FAM13C: variants seen among roughly 807,000 people sequenced by gnomAD.
The protein encoded by FAM13C is protein FAM13C.
FAM13C carries 37 observed loss-of-function variants against 73.2 expected under a neutral mutation model. The ratio of observed to expected loss-of-function variants is 0.51; its 90% CI spans 0.39 to 0.67. The LOEUF (loss-of-function observed/expected upper bound fraction) is 0.67, where lower values mean the gene tolerates loss of function less well. Among genes scored for constraint, FAM13C ranks in the 30% least tolerant of loss-of-function variants. The probability of loss-of-function intolerance (pLI) is 0.00; values close to 1 mark genes in which losing one functional copy is unlikely to be tolerated. For synonymous variants in FAM13C, 246 were observed against 260.9 expected (o/e 0.94, Z 0.55); for missense variants, 589 against 715.6 (o/e 0.82, Z 2.02).
intron 3 of FAM13C, among the ~76,000 whole-genome samples, chr10:59,344,364 C>T (rs1278441133): frequency 3.4e-5 from 5 of 148,376 alleles, no homozygotes; most frequent in South Asian, 2.2e-4. Context: ...CTGCAAGTTC[C>T]GCCCCCCAGG....
At chr10:59,351,035 C>CT (rs1461919903) in intron 3 of FAM13C, among the ~76,000 whole-genome samples, 1 of 152,090 alleles carries the variant, frequency 6.6e-6, no homozygotes, top group Non-Finnish European at 1.5e-5. Context: ...ATAATTCAAT[C>CT]TTTTTTAAAA....
chr10:59,268,484 G>A (rs1263402390), intron 8 of FAM13C, 69 bp downstream of exon 8: 1 of 1,583,348 alleles, frequency 6.3e-7, no homozygotes, highest in East Asian at 2.2e-5. Context: ...AGAAAGGAAG[G>A]ACAGAGGCTG....
chr10:59,291,446 G>A (rs778866687), intron 5 of FAM13C, among the ~76,000 whole-genome samples: 21 of 152,150 alleles, frequency 1.4e-4, no homozygotes, highest in Non-Finnish European at 2.9e-4. Flanking sequence ...GCCCGCCCCA[G>A]CTTCCCTCTG....
chr10:59,342,159 G>C (rs1029606614), intron 3 of FAM13C, among the ~76,000 whole-genome samples: 1 of 152,144 alleles, frequency 6.6e-6, no homozygotes, highest in African/African-American at 2.4e-5. Flanking sequence ...GTGGTGTGCA[G>C]ACTTTGAGGG....
In FAM13C at chr10:59,265,325, G is replaced by T. The variant is rs552366406; in HGVS notation, c.943-1159C>A. 2.5e-3 allele frequency among the ~76,000 whole-genome samples: 70 copies of T among 27,614 alleles called. 10 individuals carry two copies. The South Asian group carries it at 0.03, about 12-fold the overall frequency. 18.1% of individuals were successfully genotyped at this position (27,614 alleles called of 152,430 possible). A position where few individuals can be genotyped will look rare whatever the true frequency, so the allele number is the denominator to read the frequency against. The stretch of plus-strand genomic sequence containing the variant: ...AGGGATAGGGAAGGGGTTTTGGCGG[G>T]GGGGGGGGGGAATCCTGGTTTCAGG... On this transcript the variant is annotated intron_variant, in intron 8 of 13. Coordinates refer to ENST00000618804, the MANE Select transcript of FAM13C (RefSeq NM_198215.4).
At chr10:59,308,302 C>T (rs564760274) in intron 4 of FAM13C, among the ~76,000 whole-genome samples, 2 of 151,754 alleles carry the variant, frequency 1.3e-5, no homozygotes, top group East Asian at 1.9e-4. Flanking sequence ...CTCCAACCAT[C>T]ACCACCACTA....
At chr10:59,322,164 G>A (rs934884524) in intron 4 of FAM13C, among the ~76,000 whole-genome samples, 1 of 151,968 alleles carries the variant, frequency 6.6e-6, no homozygotes, top group Non-Finnish European at 1.5e-5. Context: ...CATTTCACTA[G>A]TTCATCAAAT....
chr10:59,281,438 A>G (rs1844909209), intron 6 of FAM13C, among the ~76,000 whole-genome samples: 1 of 152,048 alleles, frequency 6.6e-6, no homozygotes, highest in South Asian at 2.1e-4. Context: ...AAATGAAGAG[A>G]CTCCTTAGGT....
intron 8 of FAM13C, among the ~76,000 whole-genome samples, chr10:59,267,530 T>C (rs1442796273): frequency 2.0e-5 from 3 of 152,178 alleles, no homozygotes; most frequent in Non-Finnish European, 4.4e-5. Flanking sequence ...CTGACTAAAG[T>C]TGCCTTGAAA....
At chr10:59,361,171 C>A in intron 1 of FAM13C, 12 of 1,129,154 alleles carry the variant, frequency 1.1e-5, no homozygotes, top group Non-Finnish European at 1.3e-5. Context: ...GAATGTGGGT[C>A]CAAATGAGTA....
At chr10:59,325,254 A>C (rs779740229) in intron 3 of FAM13C, among the ~76,000 whole-genome samples, 1 of 152,172 alleles carries the variant, frequency 6.6e-6, no homozygotes, top group African/African-American at 2.4e-5. Context: ...TCAATGTGTC[A>C]GGTGTCTTAG....
At chr10:59,271,259 A>C (rs1355546193) in intron 6 of FAM13C, among the ~76,000 whole-genome samples, 1 of 152,242 alleles carries the variant, frequency 6.6e-6, no homozygotes, top group African/African-American at 2.4e-5. Context: ...CTGCTTGTCC[A>C]AAATAAACAC....
intron 1 of FAM13C, among the ~76,000 whole-genome samples, chr10:59,356,248 C>T (rs1855699600): frequency 6.6e-6 from 1 of 152,170 alleles, no homozygotes; most frequent in African/African-American, 2.4e-5. Context: ...GACACCAATA[C>T]TGGTATCCTC....
At chr10:59,282,284 G>C (rs116959952) in intron 6 of FAM13C, 31 of 152,280 alleles carry the variant, frequency 2.0e-4, no homozygotes, top group Non-Finnish European at 2.8e-4. Flanking sequence ...TTTAAATAAT[G>C]ATAGTAGCTA....
chr10:59,337,667 C>CTTTTTTTTTTTTTTTTT (rs3078327), intron 3 of FAM13C, among the ~76,000 whole-genome samples: 34 of 71,030 alleles, frequency 4.8e-4, no homozygotes, highest in East Asian at 5.4e-4. Flanking sequence ...TTTTCTTTTT[C>CTTTTTTTTTTTTTTTTT]TTTTTTTTTT....
intron 7 of FAM13C, 149 bp from the exon 8 acceptor site, chr10:59,268,840 C>G (rs1843379836): frequency 1.1e-6 from 1 of 884,726 alleles, no homozygotes; most frequent in Non-Finnish European, 1.7e-6. Context: ...AGCATCTGCT[C>G]ATTAATGGAG....
At chr10:59,308,578 C>CCACCAGCACCACCAACCAGCATCACCAT (rs1328426492) in intron 4 of FAM13C, among the ~76,000 whole-genome samples, 44 of 151,902 alleles carry the variant, frequency 2.9e-4, no homozygotes, top group Admixed American at 2.3e-3. Context: ...ACCATCACCA[C>CCACCAGCACCACCAACCAGCATCACCAT]CACCAGCACC....
intron 2 of FAM13C, among the ~76,000 whole-genome samples, chr10:59,354,748 A>G (rs1032840425): frequency 7.9e-5 from 12 of 152,150 alleles, no homozygotes; most frequent in Non-Finnish European, 1.8e-4. Flanking sequence ...TGATGCCTCC[A>G]AGATAATTCT....
chr10:59,332,779 T>C (rs1852169667), intron 3 of FAM13C, among the ~76,000 whole-genome samples: 4 of 152,150 alleles, frequency 2.6e-5, no homozygotes, highest in Admixed American at 1.3e-4. Context: ...ACCACAAGCT[T>C]AAGCCTTTCT....
Sources: gnomAD v4.1 joint callset for allele counts (sites outside exome capture counted in the v4.1 genomes callset) on GRCh38, gnomAD v4.1.1 for gene constraint, MANE v1.5 for transcripts, NCBI Gene and HGNC (gene_info 2026-07-23, HGNC 2026-07-21) for gene names.